The following PLEKHD1 variants were observed in gnomAD, a reference collection of about 807,000 sequenced individuals.
PLEKHD1 encodes pleckstrin homology and coiled-coil domain containing D1.
PLEKHD1 carries 51 observed loss-of-function variants against 69.2 expected under a neutral mutation model. The ratio of observed to expected loss-of-function variants is 0.74; its 90% confidence interval spans 0.59 to 0.93. The LOEUF (loss-of-function observed/expected upper bound fraction) is 0.93. PLEKHD1 is among the 40% of genes least tolerant of loss of function. The pLI is 0.00. For missense variants in PLEKHD1, 584 were observed against 641.0 expected (o/e 0.91, Z 0.96); for synonymous variants, 236 against 244.7 (o/e 0.96, Z 0.33).
At chr14:69,506,121 C>A (rs1883147024) in intron 6 of PLEKHD1, among the ~76,000 whole-genome samples, 1 of 152,204 alleles carries the variant, frequency 6.6e-6, no homozygotes, top group Non-Finnish European at 1.5e-5. Context: ...CTTTGTCAAC[C>A]TTTTTGGTGG....
chr14:69,498,251 G>A (rs1882935967), intron 1 of PLEKHD1, among the ~76,000 whole-genome samples: 1 of 151,764 alleles, frequency 6.6e-6, no homozygotes, highest in East Asian at 2.0e-4. Flanking sequence ...GCTGATTTTT[G>A]TATTTTTAGT....
At chr14:69,484,630 T>G (rs1594970334), upstream of PLEKHD1, 1 of 206,816 alleles carries the variant, frequency 4.8e-6, no homozygotes, top group Non-Finnish European at 9.6e-6. Flanking sequence ...TCCCAGCCAA[T>G]CGGGGCCACC....
intron 6 of PLEKHD1, among the ~76,000 whole-genome samples, chr14:69,512,918 G>C (rs1191932226): frequency 6.6e-6 from 1 of 151,798 alleles, no homozygotes; most frequent in Admixed American, 6.6e-5. Context: ...AAAAGAGAGA[G>C]AGAGAAAGAA....
upstream of PLEKHD1, among the ~76,000 whole-genome samples, chr14:69,481,162 A>C (rs1196771301): frequency 6.6e-6 from 1 of 152,162 alleles, no homozygotes; most frequent in African/African-American, 2.4e-5. Flanking sequence ...AAAATAAATA[A>C]ATAAATAAAA....
chr14:69,519,654 A>G (rs1883464622), intron 6 of PLEKHD1, among the ~76,000 whole-genome samples: 1 of 152,214 alleles, frequency 6.6e-6, no homozygotes, highest in African/African-American at 2.4e-5. Context: ...TGGCGTCACG[A>G]GGCACTTAAA....
chr14:69,526,688 TC>T lies in PLEKHD1; in HGVS notation c.924-6del. On this transcript the variant is annotated splice_polypyrimidine_tract_variant and splice_region_variant and intron_variant, in intron 9 of 12. Coordinates refer to ENST00000322564, the MANE Select transcript of PLEKHD1 (RefSeq NM_001161498.2). ...GAGCATTGAGAAAGTGCCTCTTCTG[TC>T]CCTACAGGATGAAGGAGAACGAGGA... The T allele has an allele frequency of 6.7e-7, 1 of 1,499,632 alleles. No homozygotes were observed. 92.9% of individuals were successfully genotyped at this position (1,499,632 alleles called of 1,614,324 possible).
At chr14:69,476,117 A>C in the PLEKHD1 span, among the ~76,000 whole-genome samples, 2 of 151,952 alleles carry the variant, frequency 1.3e-5, no homozygotes, top group African/African-American at 4.8e-5. Context: ...AATTAGCTGC[A>C]TGTGGTGGTG....
At position 69,503,271 on chromosome 14, in the gene PLEKHD1, C is replaced by T. The variant is rs567420827; in HGVS notation, c.555+392C>T. ...ATTGGGCTTGATGATCTCAGAAGTT[C>T]CTTCATTCTCTGAATGTCAAAAGTC... is the stretch of plus-strand genomic sequence containing the variant. On this transcript the variant is annotated intron_variant, in intron 6 of 12. Coordinates refer to ENST00000322564, the MANE Select transcript of PLEKHD1 (RefSeq NM_001161498.2). 4 of 232,430 alleles carry T rather than the reference C, an allele frequency of 1.7e-5. No homozygotes were observed. The East Asian group carries it at 4.2e-4, about 24-fold the overall frequency. The allele number at this position is 232,430 out of a possible 1,614,324, so 14.4% of individuals were successfully genotyped here.
At chr14:69,484,054 G>A (rs977974805), upstream of PLEKHD1, among the ~76,000 whole-genome samples, 1 of 152,236 alleles carries the variant, frequency 6.6e-6, no homozygotes, top group Non-Finnish European at 1.5e-5. Flanking sequence ...ACACAGACAC[G>A]GTCAGGTTCC....
chr14:69,491,718 G>T (rs1040737910), intron 1 of PLEKHD1, among the ~76,000 whole-genome samples: 2 of 152,122 alleles, frequency 1.3e-5, no homozygotes, highest in African/African-American at 4.8e-5. Context: ...TGACCATCAA[G>T]CTCTGGTTGA....
rs1883009014 is a variant in PLEKHD1 at position 69,500,857 on chromosome 14, C to T, written c.334-14C>T. 1.3e-6 allele frequency: 2 copies of T among 1,551,476 alleles called. No homozygotes were observed. Among genetic ancestry groups the T allele is most frequent in the East Asian group, 2.4e-5 (1 of 40,936 alleles). ...CTGCCTCTCAGGCATGCGCATGGCT[C>T]CTCTTCCTGGCAGGGGAACATCTTG... is the stretch of plus-strand genomic sequence containing the variant. On this transcript the variant is annotated splice_polypyrimidine_tract_variant and intron_variant, in intron 3 of 12. Coordinates refer to ENST00000322564, the MANE Select transcript of PLEKHD1 (RefSeq NM_001161498.2).
At chr14:69,474,471 AAT>A in the PLEKHD1 span, among the ~76,000 whole-genome samples, 2 of 152,152 alleles carry the variant, frequency 1.3e-5, no homozygotes, top group Non-Finnish European at 1.5e-5. Flanking sequence ...CAAATCAGAA[AAT>A]CTTTGTGAAT....
chr14:69,489,510 G>A (rs887058573), intron 1 of PLEKHD1, among the ~76,000 whole-genome samples: 2 of 120,594 alleles, frequency 1.7e-5, no homozygotes, highest in Non-Finnish European at 3.2e-5. Flanking sequence ...AATGAGCAGA[G>A]ATTGAGCCAC....
At chr14:69,510,602 G>A (rs1336693813) in intron 6 of PLEKHD1, among the ~76,000 whole-genome samples, 2 of 151,728 alleles carry the variant, frequency 1.3e-5, no homozygotes, top group Non-Finnish European at 2.9e-5. Flanking sequence ...CATTAATCTT[G>A]TATCCTACAA....
At chr14:69,481,540 A>AG (rs765720695), upstream of PLEKHD1, among the ~76,000 whole-genome samples, 4 of 152,198 alleles carry the variant, frequency 2.6e-5, no homozygotes, top group Non-Finnish European at 4.4e-5. Context: ...TGCAAGGTGA[A>AG]GGGGAAGGGC....
chr14:69,489,938 C>T (rs1882739306), intron 1 of PLEKHD1, among the ~76,000 whole-genome samples: 1 of 152,198 alleles, frequency 6.6e-6, no homozygotes, highest in African/African-American at 2.4e-5. Flanking sequence ...GTGATCTTGG[C>T]TCACTGCAAC....
chr14:69,486,153 C>T (rs1882650954), intron 1 of PLEKHD1, among the ~76,000 whole-genome samples: 1 of 152,210 alleles, frequency 6.6e-6, no homozygotes, highest in Non-Finnish European at 1.5e-5. Flanking sequence ...CCAGATGCCC[C>T]TTCCCCATCC....
intron 6 of PLEKHD1, among the ~76,000 whole-genome samples, chr14:69,511,739 C>T (rs1280300665): frequency 1.3e-5 from 2 of 151,522 alleles, no homozygotes; most frequent in African/African-American, 4.9e-5. Context: ...TTATTAGAGA[C>T]ATGGTTTCAC....
chr14:69,507,297 T>C (rs1883174582), intron 6 of PLEKHD1, among the ~76,000 whole-genome samples: 1 of 152,200 alleles, frequency 6.6e-6, no homozygotes, highest in African/African-American at 2.4e-5. Flanking sequence ...CACTTAGTAA[T>C]GTGCATTCAG....
Sources: gnomAD v4.1 joint callset for allele counts (sites outside exome capture counted in the v4.1 genomes callset) on GRCh38, gnomAD v4.1.1 for gene constraint, MANE v1.5 for transcripts, NCBI Gene and HGNC (gene_info 2026-07-23, HGNC 2026-07-21) for gene names.